The following SPIRE1 variants were observed in gnomAD, a reference collection of about 807,000 sequenced individuals.
SPIRE1 encodes protein spire homolog 1.
In SPIRE1, 40 loss-of-function variants were observed where a neutral mutation model predicts 94.1. That is an observed-to-expected ratio of 0.43 (90% CI 0.33 to 0.55). The LOEUF is 0.55. SPIRE1 is among the 20% of genes least tolerant of loss of function. The pLI is 0.06. For synonymous variants in SPIRE1, 376 were observed against 371.7 expected, an observed-to-expected ratio of 1.01 and a Z score of -0.13; for missense variants, 838 against 975.2, an observed-to-expected ratio of 0.86 and a Z score of 1.87.
intron 2 of SPIRE1, among the ~76,000 whole-genome samples, chr18:12,603,775 A>G (rs1158497994): frequency 2.6e-5 from 4 of 152,010 alleles, no homozygotes; most frequent in Non-Finnish European, 1.5e-5. Flanking sequence ...GATTTTCACC[A>G]TATTGGCCAG....
At position 12,657,872 on chromosome 18, in the gene SPIRE1, G is replaced by C. The variant is rs1240437802; in HGVS notation, c.-6C>G. 11 of 1,063,504 alleles carry C rather than the reference G, an allele frequency of 1.0e-5. No individual in the cohort carries two copies. Among genetic ancestry groups the C allele is most frequent in the Non-Finnish European group, 1.1e-5 (10 of 884,002 alleles). The allele number at this position is 1,063,504 out of a possible 1,614,324, so 65.9% of individuals were successfully genotyped here. The stretch of plus-strand genomic sequence containing the variant: ...GGGCCAGCCGCCTGAGCCATCCCGC[G>C]GGTGGGCGCTGCGCTCGGCAGTCGC... On this transcript the variant is annotated 5_prime_UTR_variant, in exon 1 of 17. Transcript: ENST00000409402.
Position 12,559,138 on chromosome 18 carries a change from G to A in SPIRE1, c.373-12234C>T, listed in dbSNP as rs1268581543. Among the ~76,000 whole-genome samples, 8 of 134,856 alleles carry A rather than the reference G, an allele frequency of 5.9e-5. No homozygotes were observed. The highest frequency in any genetic ancestry group is 7.8e-5 in the Non-Finnish European group (5 of 63,942). 88.5% of individuals were successfully genotyped at this position (134,856 alleles called of 152,430 possible). ...CAGGCACCTTGGAGCAGGGGGAGGC[G>A]CCCCCTGGGGAGGCTCCATCTGCTT... is the stretch of plus-strand genomic sequence containing the variant. On this transcript the variant is annotated intron_variant, in intron 2 of 16. Coordinates refer to ENST00000409402, the MANE Select transcript of SPIRE1 (RefSeq NM_001128626.2). This position sits in a 1 kb window ranked among gnomAD's most constrained non-coding sequence, Gnocchi z 4.7.
chr18:12,527,478 T>A (rs892157123), intron 4 of SPIRE1, among the ~76,000 whole-genome samples: 1 of 152,176 alleles, frequency 6.6e-6, no homozygotes, highest in Non-Finnish European at 1.5e-5. Flanking sequence ...GAACATGATG[T>A]AGGTTGTCTG....
intron 2 of SPIRE1, among the ~76,000 whole-genome samples, chr18:12,605,002 T>C (rs1227668912): frequency 6.6e-6 from 1 of 152,172 alleles, no homozygotes; most frequent in Admixed American, 6.5e-5. Flanking sequence ...CACAAAAGGA[T>C]AGATACTGGT....
chr18:12,499,632 A>AT (rs769832535), intron 6 of SPIRE1, among the ~76,000 whole-genome samples: 9 of 152,228 alleles, frequency 5.9e-5, no homozygotes, highest in Non-Finnish European at 1.0e-4. Context: ...AAAACTATTT[A>AT]TAAGTGTCTC....
intron 7 of SPIRE1, among the ~76,000 whole-genome samples, chr18:12,495,062 A>C (rs985305719): frequency 1.1e-4 from 17 of 151,476 alleles, no homozygotes; most frequent in Admixed American, 1.1e-3. Context: ...AAAAAAAAAA[A>C]AAAAACCCTC....
intron 8 of SPIRE1, among the ~76,000 whole-genome samples, chr18:12,490,149 T>G (rs992745485): frequency 9.9e-5 from 15 of 152,200 alleles, no homozygotes; most frequent in Non-Finnish European, 1.3e-4. Context: ...GAACAATATC[T>G]TTCTGTAACA....
rs553936572 is a variant in SPIRE1, at chr18:12,470,246, C to T, written c.1405-5288G>A. On this transcript the variant is annotated intron_variant, in intron 10 of 16. Coordinates refer to ENST00000409402, the MANE Select transcript of SPIRE1 (RefSeq NM_001128626.2). Reference sequence around the variant, plus strand: ...TACAGGCATAATCTTATACTGGCCACCATGTGTGGCCAGTATATTAATTTT... The same window carrying T: ...TACAGGCATAATCTTATACTGGCCATCATGTGTGGCCAGTATATTAATTTT... Among the ~76,000 whole-genome samples, 231 of 152,212 alleles carry T rather than the reference C, an allele frequency of 1.5e-3. 7 individuals carry two copies. In the South Asian group the frequency reaches 0.019, roughly 13 times the overall value.
intron 4 of SPIRE1, among the ~76,000 whole-genome samples, chr18:12,526,056 TACACACACACACAC>T (rs56263373): frequency 1.2e-4 from 15 of 122,658 alleles, no homozygotes; most frequent in East Asian, 4.5e-4. Flanking sequence ...ATACTGAAGA[TACACACACACACAC>T]ACACACACAC....
At chr18:12,578,900 A>C (rs755812428) in intron 2 of SPIRE1, among the ~76,000 whole-genome samples, 1 of 152,216 alleles carries the variant, frequency 6.6e-6, no homozygotes, top group African/African-American at 2.4e-5. Context: ...TTTTTCTATA[A>C]GTAAGCCTCA....
intron 2 of SPIRE1, among the ~76,000 whole-genome samples, chr18:12,578,116 G>A (rs994012411): frequency 2.0e-5 from 3 of 152,066 alleles, no homozygotes; most frequent in Non-Finnish European, 2.9e-5. Context: ...ACAAAACAAC[G>A]CAACCACATT....
chr18:12,590,696 T>C (rs1176299104), intron 2 of SPIRE1, among the ~76,000 whole-genome samples: 2 of 152,058 alleles, frequency 1.3e-5, no homozygotes, highest in African/African-American at 2.4e-5. Flanking sequence ...AGAGCAGCAG[T>C]GAGAAGACAC....
At chr18:12,635,151 T>C in intron 1 of SPIRE1, 55 bp from the exon 2 acceptor site, 1 of 942,624 alleles carries the variant, frequency 1.1e-6, no homozygotes, top group Non-Finnish European at 1.6e-6. Flanking sequence ...TTTTAAATCA[T>C]TGATAAAAAT....
In SPIRE1 at chr18:12,512,498, C is replaced by G. The variant is rs779762941; in HGVS notation, c.763G>C (p.Asp255His). 1.1e-5 allele frequency: 17 copies of G among 1,612,100 alleles called. No homozygotes were observed. Among genetic ancestry groups the G allele is most frequent in the Non-Finnish European group, 1.4e-5 (16 of 1,178,856 alleles). ...LKKIQEMEKS[D>H]ESSTDLEELK... is the part of the protein sequence containing the mutation. ...TCTTCCAAGTCTGTGCTAGATTCAT[C>G]GCTCTTTTCCATTTCTTGAATCTTC... Residue 255 changes from aspartate (D) to histidine (H), a missense_variant, in exon 5 of 17, where the codon GAT becomes CAT. This residue lies in a region of SPIRE1 where 645 missense variants were observed against 804.7 expected (regional missense o/e 0.80). Transcript: ENST00000409402.
intron 2 of SPIRE1, among the ~76,000 whole-genome samples, chr18:12,604,284 T>C (rs551564815): frequency 6.6e-6 from 1 of 152,112 alleles, no homozygotes; most frequent in South Asian, 2.1e-4. Context: ...CACCCTGTGC[T>C]CTCTCCAGCA....
intron 4 of SPIRE1, among the ~76,000 whole-genome samples, chr18:12,521,355 C>G (rs1245705039): frequency 6.9e-6 from 1 of 145,514 alleles, no homozygotes; most frequent in South Asian, 2.1e-4. Flanking sequence ...TTTTTTTGGA[C>G]ACAGTTTTAC....
rs1404596545 is a variant in SPIRE1, at chr18:12,657,879, C to T, written c.-13G>A. 11 of 1,050,806 alleles carry T rather than the reference C, an allele frequency of 1.0e-5. No homozygotes were observed. The highest frequency in any genetic ancestry group is 1.1e-5 in the Non-Finnish European group (10 of 875,818). The allele number at this position is 1,050,806 out of a possible 1,614,324, so 65.1% of individuals were successfully genotyped here. On this transcript the variant is annotated 5_prime_UTR_variant, in exon 1 of 17. Transcript: ENST00000409402. ...CCGCCTGAGCCATCCCGCGGGTGGGCGCTGCGCTCGGCAGTCGCGCCGTGT... is the reference window on the plus strand; with the variant it reads ...CCGCCTGAGCCATCCCGCGGGTGGGTGCTGCGCTCGGCAGTCGCGCCGTGT...
chr18:12,533,958 C>T (rs2034765399), intron 4 of SPIRE1, among the ~76,000 whole-genome samples: 1 of 151,714 alleles, frequency 6.6e-6, no homozygotes, highest in Non-Finnish European at 1.5e-5. Flanking sequence ...CACACACACA[C>T]ACACACACAC....
intron 2 of SPIRE1, among the ~76,000 whole-genome samples, chr18:12,619,559 T>A (rs926349696): frequency 6.7e-6 from 1 of 150,092 alleles, no homozygotes; most frequent in Admixed American, 6.6e-5. Flanking sequence ...AATAAAAAAA[T>A]AAACACAGGC....
Sources: gnomAD v4.1 joint callset for allele counts (sites outside exome capture counted in the v4.1 genomes callset) on GRCh38, gnomAD v4.1.1 for gene constraint, gnomAD v4.1.1 regional missense constraint, Gnocchi (gnomAD v3.1) non-coding constraint, MANE v1.5 for transcripts, NCBI Gene and HGNC (gene_info 2026-07-23, HGNC 2026-07-21) for gene names.